The following IGSF11 variants were observed in gnomAD, a reference collection of about 807,000 sequenced individuals.
The protein encoded by IGSF11 is immunoglobulin superfamily member 11, also known as CXADR like 1.
A neutral mutation model predicts 41.0 loss-of-function variants in IGSF11; 22 were observed. The observed-to-expected ratio is 0.54, with a 90% confidence interval of 0.38 to 0.77. The LOEUF is 0.77. IGSF11 is among the 30% of genes least tolerant of loss of function. The pLI is 0.00. For missense variants in IGSF11, 444 were observed against 530.8 expected, an observed-to-expected ratio of 0.84 and a Z score of 1.61; for synonymous variants, 219 against 201.3, an observed-to-expected ratio of 1.09 and a Z score of -0.74.
intron 4 of IGSF11, among the ~76,000 whole-genome samples, chr3:118,907,761 A>C (rs1440919963): frequency 6.6e-6 from 1 of 152,216 alleles, no homozygotes; most frequent in Non-Finnish European, 1.5e-5. Flanking sequence ...AGAGTACACA[A>C]GTAGCAGCAA....
At chr3:119,083,555 T>C (rs1369573) in intron 1 of IGSF11, among the ~76,000 whole-genome samples, 46 of 71,324 alleles carry the variant, frequency 6.4e-4, no homozygotes, top group Non-Finnish European at 1.0e-3. Context: ...CACACACACA[T>C]AGAGTCATGT....
chr3:118,962,649 A>G (rs1393770826), intron 1 of IGSF11, among the ~76,000 whole-genome samples: 1 of 152,280 alleles, frequency 6.6e-6, no homozygotes, highest in East Asian at 1.9e-4. Context: ...AAAGGTAAAG[A>G]GCAAGATCTG....
At chr3:119,029,237 T>C (rs1487426938) in intron 1 of IGSF11, among the ~76,000 whole-genome samples, 4 of 123,192 alleles carry the variant, frequency 3.2e-5, no homozygotes, top group South Asian at 2.8e-4. Flanking sequence ...CTTTTGGGAA[T>C]ACACACACAC....
At chr3:119,098,262 T>C (rs1486719050) in intron 1 of IGSF11, among the ~76,000 whole-genome samples, 4 of 152,140 alleles carry the variant, frequency 2.6e-5, no homozygotes, top group Non-Finnish European at 5.9e-5. Flanking sequence ...TGCCTCTGTT[T>C]CCTGCCTGTA....
chr3:118,966,061 A>G (rs77001936), intron 1 of IGSF11, among the ~76,000 whole-genome samples: 3,692 of 152,196 alleles, frequency 0.024, 80 homozygotes, highest in East Asian at 0.065. Flanking sequence ...CTACAATAGT[A>G]GTTAATCCAA....
At chr3:119,087,807 GA>G (rs1014980294) in intron 1 of IGSF11, among the ~76,000 whole-genome samples, 12 of 151,486 alleles carry the variant, frequency 7.9e-5, no homozygotes, top group Non-Finnish European at 1.5e-4. Flanking sequence ...AATAAATAAG[GA>G]AAAAAATTAA....
At chr3:119,115,185 T>C (rs1218884291) in intron 1 of IGSF11, among the ~76,000 whole-genome samples, 2 of 152,210 alleles carry the variant, frequency 1.3e-5, no homozygotes, top group Non-Finnish European at 2.9e-5. Flanking sequence ...TATTGGCTAT[T>C]GTAAATAGTG....
intron 1 of IGSF11, among the ~76,000 whole-genome samples, chr3:119,040,786 G>A (rs1941089901): frequency 6.6e-6 from 1 of 152,162 alleles, no homozygotes; most frequent in Non-Finnish European, 1.5e-5. Flanking sequence ...CAATTCTCAA[G>A]AAATCTGACA....
chr3:119,092,339 T>C (rs1030363037), intron 1 of IGSF11, among the ~76,000 whole-genome samples: 15 of 152,138 alleles, frequency 9.9e-5, no homozygotes, highest in African/African-American at 3.6e-4. Context: ...TTTCTTTCTT[T>C]CTTTTTTTTG....
chr3:118,982,112 T>C lies in IGSF11; in HGVS notation c.53-51837A>G, dbSNP rs147281273. Among the ~76,000 whole-genome samples the C allele has an allele frequency of 7.2e-5, 11 of 152,170 alleles. No homozygotes were observed. The East Asian group carries it at 1.7e-3, about 24-fold the overall frequency. On this transcript the variant is annotated intron_variant, in intron 1 of 6. Coordinates refer to ENST00000393775, the MANE Select transcript of IGSF11 (RefSeq NM_001015887.3). ...AAGGTACCTGCCAGTATATTCAAGT[T>C]CCCTGTAAGAGGGAAACCTGGTCAT...
chr3:118,931,743 T>A (rs2107536734), intron 1 of IGSF11, among the ~76,000 whole-genome samples: 1 of 151,604 alleles, frequency 6.6e-6, no homozygotes, highest in Non-Finnish European at 1.5e-5. Context: ...ACTGATTTTT[T>A]TTTTTTTTTT....
chr3:118,955,624 T>C (rs983221438), intron 1 of IGSF11, among the ~76,000 whole-genome samples: 2 of 152,086 alleles, frequency 1.3e-5, no homozygotes, highest in African/African-American at 4.8e-5. Flanking sequence ...AGAATCTTTT[T>C]TTTTCCAAGC....
intron 1 of IGSF11, among the ~76,000 whole-genome samples, chr3:118,940,989 A>G (rs1423480853): frequency 6.6e-6 from 1 of 151,582 alleles, no homozygotes; most frequent in South Asian, 2.1e-4. Flanking sequence ...AAATTTAAAC[A>G]TATCAATAAA....
chr3:119,098,224 T>A (rs902482838), intron 1 of IGSF11, among the ~76,000 whole-genome samples: 7 of 152,108 alleles, frequency 4.6e-5, no homozygotes, highest in African/African-American at 1.7e-4. Context: ...TGTCATGTGA[T>A]GTGTGGCAGA....
At chr3:119,120,156 G>C (rs977939173) in intron 1 of IGSF11, among the ~76,000 whole-genome samples, 2 of 152,120 alleles carry the variant, frequency 1.3e-5, no homozygotes, top group Admixed American at 6.5e-5. Flanking sequence ...GAACCCTTTG[G>C]CAAAGCATGA....
chr3:119,139,457 G>A (rs1480771483), intron 1 of IGSF11, among the ~76,000 whole-genome samples: 1 of 152,166 alleles, frequency 6.6e-6, no homozygotes, highest in African/African-American at 2.4e-5. Flanking sequence ...TGAATCACAG[G>A]GGTGGATCTT....
chr3:119,050,382 AAC>A (rs1476728930), intron 1 of IGSF11, among the ~76,000 whole-genome samples: 1 of 152,240 alleles, frequency 6.6e-6, no homozygotes, highest in Non-Finnish European at 1.5e-5. Flanking sequence ...GCAGCCAAAA[AAC>A]ACATGAAAAA....
chr3:118,948,076 C>T (rs1454534642), intron 1 of IGSF11: 3 of 151,120 alleles, frequency 2.0e-5, no homozygotes, highest in Non-Finnish European at 4.4e-5. Flanking sequence ...TGTATATATA[C>T]ACACATGTTA....
At chr3:118,975,787 T>A (rs1295684627) in intron 1 of IGSF11, among the ~76,000 whole-genome samples, 1 of 152,204 alleles carries the variant, frequency 6.6e-6, no homozygotes, top group Non-Finnish European at 1.5e-5. Flanking sequence ...ACATATTGCA[T>A]GTTCTTATTT....
Sources: gnomAD v4.1 joint callset for allele counts (sites outside exome capture counted in the v4.1 genomes callset) on GRCh38, gnomAD v4.1.1 for gene constraint, MANE v1.5 for transcripts, NCBI Gene and HGNC (gene_info 2026-07-23, HGNC 2026-07-21) for gene names.